UNC5D: variants seen among roughly 807,000 people sequenced by gnomAD.
The protein encoded by UNC5D is unc-5 netrin receptor D.
In UNC5D, 39 loss-of-function variants were observed where a neutral mutation model predicts 105.4. The ratio of observed to expected loss-of-function variants is 0.37; its 90% CI spans 0.29 to 0.48. The LOEUF is 0.48. Among genes scored for constraint, UNC5D ranks in the 20% least tolerant of loss-of-function variants. UNC5D has a pLI of 0.98. For synonymous variants in UNC5D, 452 were observed against 450.4 expected, an observed-to-expected ratio of 1.00 and a Z score of -0.04; for missense variants, 991 against 1,202.4, an observed-to-expected ratio of 0.82 and a Z score of 2.60.
intron 1 of UNC5D, among the ~76,000 whole-genome samples, chr8:35,389,802 T>G (rs2128939765): frequency 6.6e-6 from 1 of 151,164 alleles, no homozygotes; most frequent in South Asian, 2.1e-4. Flanking sequence ...GTTAAAGGGA[T>G]TGAGAAAGAA....
chr8:35,414,261 C>T (rs1484578358), intron 1 of UNC5D, among the ~76,000 whole-genome samples: 1 of 152,016 alleles, frequency 6.6e-6, no homozygotes, highest in East Asian at 1.9e-4. Context: ...TTTATTTCTC[C>T]TTTGTGTGCT....
At chr8:35,364,360 G>A (rs185980912) in intron 1 of UNC5D, among the ~76,000 whole-genome samples, 34 of 151,938 alleles carry the variant, frequency 2.2e-4, no homozygotes, top group Admixed American at 1.7e-3. Context: ...TCCCATATTT[G>A]CCTGCTATGA....
chr8:35,327,612 C>T (rs969635020), intron 1 of UNC5D, among the ~76,000 whole-genome samples: 2 of 152,180 alleles, frequency 1.3e-5, no homozygotes, highest in Non-Finnish European at 2.9e-5. Flanking sequence ...CCCCTTTCAA[C>T]AAGATACTTA....
At position 35,313,320 on chromosome 8, in the gene UNC5D, C is replaced by T. The variant is rs114444627; in HGVS notation, c.103+77433C>T. ...TGTCCTTTAATATCATGATGCTCTGCTCCTCTGATACTGTATTTGATGGTC... is the reference window on the plus strand; with the variant it reads ...TGTCCTTTAATATCATGATGCTCTGTTCCTCTGATACTGTATTTGATGGTC... On this transcript the variant is annotated intron_variant, in intron 1 of 16. Transcript: ENST00000404895. 3.5e-3 allele frequency among the ~76,000 whole-genome samples: 527 copies of T among 152,266 alleles called. 6 individuals are homozygous for T. The highest frequency in any genetic ancestry group is 0.012 in the African/African-American group (512 of 41,564).
chr8:35,313,928 G>C (rs1809086738), intron 1 of UNC5D, among the ~76,000 whole-genome samples: 1 of 152,184 alleles, frequency 6.6e-6, no homozygotes, highest in African/African-American at 2.4e-5. Context: ...ATGAATCGAT[G>C]TGTTGAAGTT....
At chr8:35,442,894 TCTCTCTCTCTCA>T (rs1807514898) in intron 1 of UNC5D, among the ~76,000 whole-genome samples, 1 of 133,646 alleles carries the variant, frequency 7.5e-6, no homozygotes, top group East Asian at 2.1e-4. Flanking sequence ...TTTCTCTCTC[TCTCTCTCTCTCA>T]CACACACACA....
chr8:35,725,068 T>C (rs1414345248), intron 9 of UNC5D, among the ~76,000 whole-genome samples: 1 of 152,230 alleles, frequency 6.6e-6, no homozygotes, highest in African/African-American at 2.4e-5. Flanking sequence ...GTCAGGGTGA[T>C]AGATTTCCTA....
intron 4 of UNC5D, among the ~76,000 whole-genome samples, chr8:35,676,033 C>T (rs1346155662): frequency 6.6e-6 from 1 of 151,948 alleles, no homozygotes; most frequent in East Asian, 1.9e-4. Flanking sequence ...ATTCTATTCC[C>T]CTTCCAGTGG....
At chr8:35,446,188 G>A (rs373744614) in intron 1 of UNC5D, among the ~76,000 whole-genome samples, 3 of 151,288 alleles carry the variant, frequency 2.0e-5, no homozygotes, top group East Asian at 2.0e-4. Context: ...GTCCTCAAAG[G>A]CATTGACAAT....
At chr8:35,300,446 C>CAAAAAAAAAAAAA (rs752599540) in intron 1 of UNC5D, among the ~76,000 whole-genome samples, 5 of 58,398 alleles carry the variant, frequency 8.6e-5, no homozygotes, top group African/African-American at 1.9e-4. Flanking sequence ...GACTCCCTCT[C>CAAAAAAAAAAAAA]AAAAAAAAAA....
rs150912674 is a variant in UNC5D, at chr8:35,485,621, C to T, written c.104-63671C>T. ...GTGGCACAACTCGGCAAAATACCCGCGGTACCCCAGTAGCACAAGCAGTGT... is the reference window on the plus strand; with the variant it reads ...GTGGCACAACTCGGCAAAATACCCGTGGTACCCCAGTAGCACAAGCAGTGT... On this transcript the variant is annotated intron_variant, in intron 1 of 16. Coordinates refer to ENST00000404895, the MANE Select transcript of UNC5D (RefSeq NM_080872.4). 7.3e-3 allele frequency among the ~76,000 whole-genome samples: 1,106 copies of T among 152,158 alleles called. 6 individuals are homozygous for T. Among genetic ancestry groups the T allele is most frequent in the Non-Finnish European group, 0.011 (766 of 68,012 alleles).
chr8:35,247,512 C>T (rs1269915972), intron 1 of UNC5D, among the ~76,000 whole-genome samples: 24 of 122,588 alleles, frequency 2.0e-4, no homozygotes, highest in Non-Finnish European at 3.6e-4. Flanking sequence ...TAAATAACTT[C>T]TCTCTCTCTC....
intron 1 of UNC5D, among the ~76,000 whole-genome samples, chr8:35,487,046 G>C (rs1810866478): frequency 6.6e-6 from 1 of 152,118 alleles, no homozygotes; most frequent in African/African-American, 2.4e-5. Context: ...AGATTTGCTA[G>C]ATAATTTTTA....
intron 1 of UNC5D, among the ~76,000 whole-genome samples, chr8:35,369,802 G>T (rs986657839): frequency 6.6e-6 from 1 of 152,104 alleles, no homozygotes; most frequent in Non-Finnish European, 1.5e-5. Context: ...CCTGAGCTTT[G>T]CTTTGGTAGG....
At chr8:35,773,001 C>T (rs1802077870) in intron 15 of UNC5D, among the ~76,000 whole-genome samples, 1 of 152,014 alleles carries the variant, frequency 6.6e-6, no homozygotes, top group Non-Finnish European at 1.5e-5. Context: ...AGAAAAGGTA[C>T]CTCCAGAAAA....
In UNC5D at chr8:35,682,270, C is replaced by T. The variant is rs538368040; in HGVS notation, c.571-1277C>T. The stretch of plus-strand genomic sequence containing the variant: ...GAGCCACAGCACTTGGCCCAGATGA[C>T]ACGTTTTATTGGTGATAAATTAGCA... On this transcript the variant is annotated intron_variant, in intron 4 of 16. Coordinates refer to ENST00000404895, the MANE Select transcript of UNC5D (RefSeq NM_080872.4). Among the ~76,000 whole-genome samples the T allele has an allele frequency of 4.6e-5, 7 of 152,302 alleles. No homozygotes were observed. In the South Asian group the frequency reaches 1.5e-3, roughly 32 times the overall value.
chr8:35,684,815 A>T (rs1167269945), intron 6 of UNC5D, 66 bp downstream of exon 6: 1 of 1,481,404 alleles, frequency 6.8e-7, no homozygotes, highest in African/African-American at 1.4e-5. Context: ...GTGTGAAACA[A>T]TCAATGTTAC....
chr8:35,502,999 C>T (rs1004934235), intron 1 of UNC5D, among the ~76,000 whole-genome samples: 5 of 152,178 alleles, frequency 3.3e-5, no homozygotes, highest in Non-Finnish European at 7.3e-5. Flanking sequence ...ATGAATATCA[C>T]TTTGGAATTT....
rs376466902 is a variant in UNC5D, at chr8:35,445,360, C to CT, written c.104-103931dup. Among the ~76,000 whole-genome samples the CT allele has an allele frequency of 1.4e-4, 22 of 152,092 alleles. No homozygotes were observed. In the East Asian group the frequency reaches 4.1e-3, roughly 28 times the overall value. ...CAAAATGTGGTAGAAATCTTTAAAC[C>CT]TGTTACTTGACATTTTTAGTGAAAT... On this transcript the variant is annotated intron_variant, in intron 1 of 16. Transcript: ENST00000404895.
Sources: gnomAD v4.1 joint callset for allele counts (sites outside exome capture counted in the v4.1 genomes callset) on GRCh38, gnomAD v4.1.1 for gene constraint, MANE v1.5 for transcripts, NCBI Gene and HGNC (gene_info 2026-07-23, HGNC 2026-07-21) for gene names.